The following ZNF141 variants were observed in gnomAD, a reference collection of about 807,000 sequenced individuals.
ZNF141 encodes the protein zinc finger protein 141.
In ZNF141, 7 loss-of-function variants were observed where a neutral mutation model predicts 11.3. The ratio of observed to expected loss-of-function variants is 0.62; its 90% CI spans 0.35 to 1.16. The LOEUF is 1.16. Among genes scored for constraint, ZNF141 ranks in the 50% most tolerant of loss-of-function variants. The probability of loss-of-function intolerance (pLI) is 0.02; values close to 1 mark genes in which losing one functional copy is unlikely to be tolerated. For synonymous variants in ZNF141, 183 were observed against 190.7 expected (o/e 0.96, Z 0.33); for missense variants, 535 against 554.0 (o/e 0.97, Z 0.34).
rs1284176290 is a variant in ZNF141 at position 378,938 on chromosome 4, G to A, written c.*5076G>A. Among the ~76,000 whole-genome samples the A allele has an allele frequency of 3.5e-5, 5 of 141,966 alleles. No individual in the cohort carries two copies. Among genetic ancestry groups the A allele is most frequent in the African/African-American group, 1.3e-4 (5 of 37,406 alleles). 93.1% of individuals were successfully genotyped at this position (141,966 alleles called of 152,430 possible). ...CAGCTCATTGCAACCTCCACCTCTC[G>A]GGTTCAAGCAATTCTCCTGCCTCAG... On this transcript the variant is annotated 3_prime_UTR_variant, in exon 4 of 4. Coordinates refer to ENST00000240499, the MANE Select transcript of ZNF141 (RefSeq NM_003441.4).
chr4:365,196 T>C (rs1198835191), intron 3 of ZNF141, among the ~76,000 whole-genome samples: 1 of 152,118 alleles, frequency 6.6e-6, no homozygotes, highest in Non-Finnish European at 1.5e-5. Context: ...AAAAACACAG[T>C]ATTTGGGCAG....
In ZNF141 at chr4:373,800, G is replaced by T; in HGVS notation, c.1363G>T (p.Asp455Tyr). Residue 455 changes from aspartate to tyrosine, a missense_variant, in exon 4 of 4, where the codon GAT (aspartate) becomes TAT (tyrosine). Asp to Tyr is a radical substitution (Grantham distance 160, BLOSUM62 -3). Coordinates refer to ENST00000240499, the MANE Select transcript of ZNF141 (RefSeq NM_003441.4). ...TGTAGATAAACCCTACAAATGTAAA[G>T]ATTGTGACAAAGCCTTTAAACGGTT... ...HTVDKPYKCK[D>Y]CDKAFKRFSH... is the part of the protein sequence containing the mutation. 6.2e-7 allele frequency: 1 copy of T among 1,613,964 alleles called. No homozygotes were observed. The highest frequency in any genetic ancestry group is 8.5e-7 in the Non-Finnish European group (1 of 1,179,914).
intron 3 of ZNF141, among the ~76,000 whole-genome samples, chr4:370,605 A>G (rs1457519193): frequency 2.0e-5 from 3 of 152,220 alleles, no homozygotes; most frequent in African/African-American, 4.8e-5. Context: ...GAGCATACTT[A>G]CAAATCACAC....
intron 1 of ZNF141, among the ~76,000 whole-genome samples, chr4:341,634 G>A (rs1721055365): frequency 6.6e-6 from 1 of 152,120 alleles, no homozygotes; most frequent in African/African-American, 2.4e-5. Context: ...AGTACTTAGT[G>A]ACATAGAGAG....
intron 3 of ZNF141, among the ~76,000 whole-genome samples, chr4:346,035 G>T (rs1228833895): frequency 1.3e-4 from 20 of 152,144 alleles, no homozygotes; most frequent in African/African-American, 4.8e-4. Context: ...GTATCTCTCT[G>T]TAGCTATATA....
intron 3 of ZNF141, among the ~76,000 whole-genome samples, chr4:369,876 C>G (rs1711971177): frequency 6.7e-6 from 1 of 149,144 alleles, no homozygotes; most frequent in African/African-American, 2.5e-5. Context: ...AAGCGATTCT[C>G]CTGCCTCAGC....
At chr4:357,325 C>T (rs186407921) in intron 3 of ZNF141, among the ~76,000 whole-genome samples, 78 of 151,540 alleles carry the variant, frequency 5.1e-4, no homozygotes, top group Non-Finnish European at 8.1e-4. Flanking sequence ...TTAGAGACAG[C>T]GTCCTGCTAT....
At chr4:357,700 C>A (rs77592170) in intron 3 of ZNF141, among the ~76,000 whole-genome samples, 1 of 145,476 alleles carries the variant, frequency 6.9e-6, no homozygotes, top group Non-Finnish European at 1.5e-5. Flanking sequence ...TTTCTTTTTT[C>A]TTTTTTCTTT....
At position 372,807 on chromosome 4, in the gene ZNF141, A is replaced by G. The variant is rs2229296; in HGVS notation, c.370A>G (p.Lys124Glu). 5.5e-3 allele frequency: 8,849 copies of G among 1,613,866 alleles called. 413 individuals carry two copies. The African/African-American group carries it at 0.1, about 18-fold the overall frequency. ...RKGCKSLNEC[K>E]LQKGGYNEFN... Reference sequence around the variant, plus strand: ...AGGCTGTAAAAGTTTGAATGAGTGTAAGTTGCAGAAAGGAGGTTATAATGA... The same window carrying G: ...AGGCTGTAAAAGTTTGAATGAGTGTGAGTTGCAGAAAGGAGGTTATAATGA... The change falls in exon 4 of 4, where the codon AAG becomes GAG. Residue 124 changes from lysine to glutamate, a missense_variant. Transcript: ENST00000240499.
intron 1 of ZNF141, chr4:342,746 CTTAT>C (rs1721111142): frequency 7.1e-7 from 1 of 1,403,374 alleles, no homozygotes; most frequent in East Asian, 2.3e-5. Flanking sequence ...GTGAAAAGTC[CTTAT>C]TTATTTTATT....
chr4:364,420 G>A (rs1325594004), intron 3 of ZNF141, among the ~76,000 whole-genome samples: 2 of 152,134 alleles, frequency 1.3e-5, no homozygotes, highest in Admixed American at 6.6e-5. Context: ...TTAGTCTTGG[G>A]AGGGTGTATG....
rs1317583013 is a variant in ZNF141 at position 378,919 on chromosome 4, A to G, written c.*5057A>G. Reference sequence around the variant, plus strand: ...GAGTGCAGTGGCACAATCTCAGCTCATTGCAACCTCCACCTCTCGGGTTCA... The same window carrying G: ...GAGTGCAGTGGCACAATCTCAGCTCGTTGCAACCTCCACCTCTCGGGTTCA... On this transcript the variant is annotated 3_prime_UTR_variant, in exon 4 of 4. Coordinates refer to ENST00000240499, the MANE Select transcript of ZNF141 (RefSeq NM_003441.4). Among the ~76,000 whole-genome samples, 1 of 133,832 alleles carries G rather than the reference A, an allele frequency of 7.5e-6. No homozygotes were observed. Among genetic ancestry groups the G allele is most frequent in the Non-Finnish European group, 1.5e-5 (1 of 66,042 alleles). The allele number at this position is 133,832 out of a possible 152,430, so 87.8% of individuals were successfully genotyped here. A position where few individuals can be genotyped will look rare whatever the true frequency, so the allele number is the denominator to read the frequency against.
At chr4:346,795 T>C (rs1721336285) in intron 3 of ZNF141, among the ~76,000 whole-genome samples, 1 of 151,822 alleles carries the variant, frequency 6.6e-6, no homozygotes, top group Non-Finnish European at 1.5e-5. Flanking sequence ...AATGGCTAGA[T>C]TTCCTTCTCT....
In ZNF141 at chr4:380,618, C is replaced by T. The variant is rs1712567474; in HGVS notation, c.*6756C>T. The stretch of plus-strand genomic sequence containing the variant: ...AGTGAGCCAAGATCATGCCATTGCA[C>T]TCCAGCCTGGGTGACAAGAGCAAAA... On this transcript the variant is annotated 3_prime_UTR_variant, in exon 4 of 4. Coordinates refer to ENST00000240499, the MANE Select transcript of ZNF141 (RefSeq NM_003441.4). 6.6e-6 allele frequency among the ~76,000 whole-genome samples: 1 copy of T among 150,806 alleles called. No homozygotes were observed. The highest frequency in any genetic ancestry group is 1.5e-5 in the Non-Finnish European group (1 of 68,010).
At chr4:343,053 A>G (rs1273276517) in intron 1 of ZNF141, 1 of 685,392 alleles carries the variant, frequency 1.5e-6, no homozygotes, top group Non-Finnish European at 2.5e-6. Flanking sequence ...AGTTCCTTGC[A>G]TGATTAAAAA....
chr4:360,051 A>C (rs1039608809), intron 3 of ZNF141, among the ~76,000 whole-genome samples: 2 of 152,142 alleles, frequency 1.3e-5, no homozygotes, highest in African/African-American at 4.8e-5. Flanking sequence ...AATTAATTAC[A>C]TTTCATTCTG....
chr4:373,109 GAA>G lies in ZNF141; in HGVS notation c.674_675del (p.Lys225ThrfsTer5). The G allele has an allele frequency of 1.9e-6, 3 of 1,613,816 alleles. No individual in the cohort carries two copies. The highest frequency in any genetic ancestry group is 2.5e-6 in the Non-Finnish European group (3 of 1,179,982). On this transcript the variant is annotated frameshift_variant, in exon 4 of 4. Coordinates refer to ENST00000240499, the MANE Select transcript of ZNF141 (RefSeq NM_003441.4). LOFTEE classifies it low-confidence loss of function (END_TRUNC). ...NEHKRIHTGEKPFTCEECGSI... is the reference protein window; with the variant it reads ...NEHKRIHTGEXPFTCEECGSI... The stretch of plus-strand genomic sequence containing the variant: ...AACATAAGAGAATTCATACTGGAGA[GAA>G]ACCTTTTACTTGTGAAGAATGTGGC...
At chr4:369,173 ACACT>A (rs1393187174) in intron 3 of ZNF141, among the ~76,000 whole-genome samples, 1 of 152,004 alleles carries the variant, frequency 6.6e-6, no homozygotes, top group Non-Finnish European at 1.5e-5. Context: ...ACACACACAC[ACACT>A]CACACACACA....
intron 3 of ZNF141, among the ~76,000 whole-genome samples, chr4:369,737 GATAT>G (rs1342029616): frequency 1.1e-4 from 9 of 85,048 alleles, no homozygotes; most frequent in African/African-American, 5.4e-4. Flanking sequence ...TTCTTAAAGA[GATAT>G]ATATATATAT....
Sources: gnomAD v4.1 joint callset for allele counts (sites outside exome capture counted in the v4.1 genomes callset) on GRCh38, gnomAD v4.1.1 for gene constraint, MANE v1.5 for transcripts, NCBI Gene and HGNC (gene_info 2026-07-23, HGNC 2026-07-21) for gene names.